HAS2: variants seen among roughly 807,000 people sequenced by gnomAD.
The protein encoded by HAS2 is hyaluronan synthase 2.
HAS2 carries 16 observed loss-of-function variants against 51.6 expected under a neutral mutation model. The observed-to-expected ratio is 0.31, with a 90% confidence interval of 0.21 to 0.47. HAS2 has a LOEUF of 0.47. Ranked by LOEUF, HAS2 falls within the 20% of genes least tolerant of loss-of-function variation. The pLI is 1.00. For synonymous variants in HAS2, 228 were observed against 235.5 expected (o/e 0.97, Z 0.29); for missense variants, 361 against 662.6 (o/e 0.54, Z 5.00).
At position 121,629,118 on chromosome 8, in the gene HAS2, G is replaced by C; in HGVS notation, c.223C>G (p.Leu75Val). 1 of 1,614,060 alleles carries C rather than the reference G, an allele frequency of 6.2e-7. No homozygotes were observed. Among genetic ancestry groups the C allele is most frequent in the South Asian group, 1.1e-5 (1 of 91,074 alleles). The change falls in exon 2 of 4, where the codon CTA becomes GTA. Residue 75 changes from leucine (L) to valine (V), a missense_variant. Physicochemically the swap from Leu to Val is conservative, Grantham distance 32 (BLOSUM62 1). Around this residue, in one of 5 missense-constraint regions of HAS2, gnomAD observed 145 missense variants for 217.6 expected, o/e 0.67. Transcript: ENST00000303924. ...TTGTTCAACTTTATGGGGGTTTCTA[G>C]GGATTTTTTCATTTTTCGGTGCTCC... ...FLEHRKMKKS[L>V]ETPIKLNKTV...
intron 2 of HAS2, among the ~76,000 whole-genome samples, chr8:121,619,816 T>G (rs1812751223): frequency 2.0e-5 from 3 of 152,144 alleles, no homozygotes; most frequent in South Asian, 4.1e-4. Context: ...CACACCCACC[T>G]CTGTTGACTC....
chr8:121,624,510 A>C (rs1191085911), intron 2 of HAS2, among the ~76,000 whole-genome samples: 1 of 152,340 alleles, frequency 6.6e-6, no homozygotes, highest in South Asian at 2.1e-4. Context: ...CAAATACAGA[A>C]TCCAGTAATA....
At chr8:121,619,510 T>C (rs1027499129) in intron 2 of HAS2, among the ~76,000 whole-genome samples, 2 of 152,132 alleles carry the variant, frequency 1.3e-5, no homozygotes, top group Non-Finnish European at 2.9e-5. Context: ...TCATTCCATT[T>C]AGGTTCAGCA....
At chr8:121,634,130 G>A (rs1460031832) in intron 1 of HAS2, among the ~76,000 whole-genome samples, 7 of 151,832 alleles carry the variant, frequency 4.6e-5, no homozygotes, top group Non-Finnish European at 7.4e-5. Flanking sequence ...GGCTGGTCTG[G>A]AACTCCTGAC....
chr8:121,613,947 T>A lies in HAS2; in HGVS notation c.*162A>T, dbSNP rs953009213. On this transcript the variant is annotated 3_prime_UTR_variant, in exon 4 of 4. Coordinates refer to ENST00000303924, the MANE Select transcript of HAS2 (RefSeq NM_005328.3). ...AGTTTCTTCTTGTTGATGTATTGTT[T>A]TACTTTGGCAGAATGAAAATAAACC... 27 of 990,982 alleles carry A rather than the reference T, an allele frequency of 2.7e-5. No individual in the cohort carries two copies. The Middle Eastern group carries it at 2.1e-3, about 78-fold the overall frequency. 61.4% of individuals were successfully genotyped at this position (990,982 alleles called of 1,614,324 possible). A position where few individuals can be genotyped will look rare whatever the true frequency, so the allele number is the denominator to read the frequency against.
intron 1 of HAS2, among the ~76,000 whole-genome samples, chr8:121,630,258 G>C (rs973011373): frequency 6.6e-6 from 1 of 152,152 alleles, no homozygotes; most frequent in Admixed American, 6.5e-5. Context: ...CAGCAAGTGA[G>C]TTTCCATCCT....
At position 121,629,049 on chromosome 8, in the gene HAS2, A is replaced by G; in HGVS notation, c.292T>C (p.Tyr98His). Residue 98 changes from tyrosine (Y) to histidine (H), a missense_variant, in exon 2 of 4, where the codon TAC (tyrosine) becomes CAC (histidine). By Grantham distance (83) the Tyr-to-His change is moderately conservative (BLOSUM62 2). Around this residue, in one of 5 missense-constraint regions of HAS2, gnomAD observed 145 missense variants for 217.6 expected, o/e 0.67. Transcript: ENST00000303924. ...ACAGATTGCAAACATTTCCTTAAGT[A>G]GTCTGGATCTTCTTGATAGGCAGCG... ...CIAAYQEDPD[Y>H]LRKCLQSVKR... 1 of 1,614,018 alleles carries G rather than the reference A, an allele frequency of 6.2e-7. No homozygotes were observed. Among genetic ancestry groups the G allele is most frequent in the Non-Finnish European group, 8.5e-7 (1 of 1,179,938 alleles).
chr8:121,614,491 C>T lies in HAS2; in HGVS notation c.1277G>A (p.Cys426Tyr), dbSNP rs1812676604. ...GACCATGACGATATTTCCTCTAAGG[C>T]AGCTGGCAAAAGATGATTTTATGAG... ...VGLIKSSFAS[C>Y]LRGNIVMVFM... Residue 426 changes from cysteine to tyrosine, a missense_variant, in exon 4 of 4, where the codon TGC (cysteine) becomes TAC (tyrosine). By Grantham distance (194) the Cys-to-Tyr change is radical. Around this residue, in one of 5 missense-constraint regions of HAS2, gnomAD observed 106 missense variants for 241.0 expected, o/e 0.44. Coordinates refer to ENST00000303924, the MANE Select transcript of HAS2 (RefSeq NM_005328.3). The surrounding 1 kb of genome is among the most constrained non-coding windows in gnomAD (Gnocchi z 7.2). The T allele has an allele frequency of 6.2e-7, 1 of 1,613,840 alleles. No individual in the cohort carries two copies. The highest frequency in any genetic ancestry group is 8.5e-7 in the Non-Finnish European group (1 of 1,179,870).
intron 2 of HAS2, among the ~76,000 whole-genome samples, chr8:121,626,298 T>C (rs1290504928): frequency 2.0e-5 from 3 of 152,080 alleles, no homozygotes; most frequent in Non-Finnish European, 2.9e-5. Flanking sequence ...TTTGGGAAAG[T>C]GGTGAAGGTA....
At chr8:121,625,824 T>C (rs1192851408) in intron 2 of HAS2, among the ~76,000 whole-genome samples, 1 of 151,980 alleles carries the variant, frequency 6.6e-6, no homozygotes, top group African/African-American at 2.4e-5. Context: ...CTGGCCCTCT[T>C]TAACTTCTTT....
intron 2 of HAS2, among the ~76,000 whole-genome samples, chr8:121,628,048 A>G (rs933411210): frequency 2.6e-5 from 4 of 152,194 alleles, no homozygotes; most frequent in African/African-American, 9.7e-5. Flanking sequence ...CAGCCTGTCT[A>G]ATTTTCATGC....
intron 1 of HAS2, among the ~76,000 whole-genome samples, chr8:121,634,680 A>G (rs543004468): frequency 6.6e-5 from 10 of 152,086 alleles, no homozygotes; most frequent in African/African-American, 2.2e-4. Flanking sequence ...TCCTACCCCA[A>G]TCTTTACTGC....
At chr8:121,630,574 A>G (rs1812916032) in intron 1 of HAS2, among the ~76,000 whole-genome samples, 1 of 152,194 alleles carries the variant, frequency 6.6e-6, no homozygotes, top group Non-Finnish European at 1.5e-5. Context: ...TAAATGCAAT[A>G]TCTTCATCTT....
rs73320627 is a variant in HAS2 at position 121,620,253 on chromosome 8, T to C, written c.628-3047A>G. ...GTGTATTCATGGACACAAGGGAATTTACTCAGTAGGGTGTAAAGAGCATAA... is the reference window on the plus strand; with the variant it reads ...GTGTATTCATGGACACAAGGGAATTCACTCAGTAGGGTGTAAAGAGCATAA... On this transcript the variant is annotated intron_variant, in intron 2 of 3. Transcript: ENST00000303924. 6.1e-3 allele frequency among the ~76,000 whole-genome samples: 928 copies of C among 152,326 alleles called. 12 individuals carry two copies. The highest frequency in any genetic ancestry group is 0.021 in the African/African-American group (891 of 41,576).
intron 1 of HAS2, among the ~76,000 whole-genome samples, chr8:121,640,343 C>G (rs1813076287): frequency 6.6e-6 from 1 of 152,064 alleles, no homozygotes; most frequent in Non-Finnish European, 1.5e-5. Context: ...ATTGCTTAAC[C>G]CTTTGCATTC....
At chr8:121,633,180 C>T (rs1249497097) in intron 1 of HAS2, among the ~76,000 whole-genome samples, 1 of 148,940 alleles carries the variant, frequency 6.7e-6, no homozygotes, top group Non-Finnish European at 1.5e-5. Flanking sequence ...CTCTGTCACC[C>T]AGGTTCCCAT....
Position 121,628,918 on chromosome 8 carries a change from G to A in HAS2, c.423C>T (p.Asp141=). Residue 141 remains aspartate, a synonymous_variant, in exon 2 of 4, where the codon GAC becomes GAT. Coordinates refer to ENST00000303924, the MANE Select transcript of HAS2 (RefSeq NM_005328.3). ...TCTTCCAGATATAAGTGGCTGATTT[G>A]TCTCTGCCCATGACTTCACTGAAGA... ...MDIFSEVMGR[D]KSATYIWKNN... 4 of 1,613,908 alleles carry A rather than the reference G, an allele frequency of 2.5e-6. No individual in the cohort carries two copies. The highest frequency in any genetic ancestry group is 3.4e-6 in the Non-Finnish European group (4 of 1,179,828).
At chr8:121,624,922 C>T (rs1219669358) in intron 2 of HAS2, among the ~76,000 whole-genome samples, 1 of 151,824 alleles carries the variant, frequency 6.6e-6, no homozygotes, top group Non-Finnish European at 1.5e-5. Flanking sequence ...GGTGAAACCC[C>T]ATCTCTACTA....
In HAS2 at chr8:121,615,174, C is replaced by T; in HGVS notation, c.730-136G>A. ...ATTTTGGCTTCGTTCCTCTTTTTGGCGTGGTTATTTTATGTTTTCTCTGAT... is the reference window on the plus strand; with the variant it reads ...ATTTTGGCTTCGTTCCTCTTTTTGGTGTGGTTATTTTATGTTTTCTCTGAT... On this transcript the variant is annotated intron_variant, in intron 3 of 3. Coordinates refer to ENST00000303924, the MANE Select transcript of HAS2 (RefSeq NM_005328.3). 6.6e-6 allele frequency: 4 copies of T among 606,090 alleles called. No individual in the cohort carries two copies. The East Asian group carries it at 1.1e-4, about 17-fold the overall frequency. The allele number at this position is 606,090 out of a possible 1,614,324, so 37.5% of individuals were successfully genotyped here.
Sources: allele counts gnomAD v4.1 joint callset (sites outside exome capture counted in the v4.1 genomes callset), GRCh38; gene constraint gnomAD v4.1.1; regional missense constraint gnomAD v4.1.1; non-coding constraint Gnocchi (gnomAD v3.1); transcripts MANE v1.5; gene names NCBI Gene and HGNC (gene_info 2026-07-23, HGNC 2026-07-21).